PRCP: variants seen among roughly 807,000 people sequenced by gnomAD.
PRCP encodes prolylcarboxypeptidase, also known as lysosomal Pro-X carboxypeptidase.
Under a neutral mutation model 54.2 loss-of-function variants are expected in PRCP, and 46 were observed. The observed-to-expected ratio is 0.85, with a 90% CI of 0.67 to 1.09. The LOEUF is 1.09. Ranked by LOEUF, PRCP falls within the 50% of genes least tolerant of loss-of-function variation. PRCP has a pLI of 0.00. For synonymous variants in PRCP, 240 were observed against 212.2 expected, an observed-to-expected ratio of 1.13 and a Z score of -1.14; for missense variants, 613 against 596.8, an observed-to-expected ratio of 1.03 and a Z score of -0.28.
At chr11:82,883,831 GGTT>G (rs1859806588) in intron 1 of PRCP, among the ~76,000 whole-genome samples, 1 of 152,108 alleles carries the variant, frequency 6.6e-6, no homozygotes, top group African/African-American at 2.4e-5. Context: ...TCTTTTAAAG[GGTT>G]GTTGTTTTTT....
intron 6 of PRCP, 32 bp from the exon 7 acceptor site, chr11:82,839,457 G>A: frequency 1.9e-6 from 3 of 1,566,960 alleles, no homozygotes; most frequent in Non-Finnish European, 2.6e-6. Context: ...TGGGGAAAGA[G>A]TCAGAATATG....
At chr11:82,878,184 T>C (rs1565232569) in intron 1 of PRCP, among the ~76,000 whole-genome samples, 1 of 152,222 alleles carries the variant, frequency 6.6e-6, no homozygotes, top group Non-Finnish European at 1.5e-5. Context: ...GTACCCACAT[T>C]GTATCTAGGA....
chr11:82,824,991 G>A lies in PRCP; in HGVS notation c.1406C>T (p.Ser469Phe), dbSNP rs143836155. The change falls in exon 9 of 9, where the codon TCT becomes TTT. Residue 469 changes from serine to phenylalanine, a missense_variant. By Grantham distance (155) the Ser-to-Phe change is radical. Transcript: ENST00000313010. Reference protein sequence around the residue: ...LRTKNALDPMSVLLARSLEVR... With the variant: ...LRTKNALDPMFVLLARSLEVR... ...TTCCAAGGAGCGGGCTAACAGCACA[G>A]ACATAGGATCCAAGGCATTCTTGGT... The A allele has an allele frequency of 2.5e-6, 4 of 1,614,156 alleles. No individual in the cohort carries two copies. The highest frequency in any genetic ancestry group is 3.4e-6 in the Non-Finnish European group (4 of 1,180,002).
chr11:82,842,565 A>G (rs1026829746), intron 6 of PRCP, among the ~76,000 whole-genome samples: 1 of 152,190 alleles, frequency 6.6e-6, no homozygotes, highest in Non-Finnish European at 1.5e-5. Flanking sequence ...CATCATTACA[A>G]ATAAGGCTAC....
chr11:82,873,158 G>A (rs1859520407), intron 1 of PRCP, among the ~76,000 whole-genome samples: 1 of 151,806 alleles, frequency 6.6e-6, no homozygotes, highest in Non-Finnish European at 1.5e-5. Context: ...AACAAGCCAG[G>A]CTTCAAGCCA....
At chr11:82,837,589 G>T (rs893832509) in intron 8 of PRCP, among the ~76,000 whole-genome samples, 2 of 152,180 alleles carry the variant, frequency 1.3e-5, no homozygotes, top group Admixed American at 6.5e-5. Flanking sequence ...AAATAGCTCT[G>T]GTTAACAGGT....
intron 1 of PRCP, among the ~76,000 whole-genome samples, chr11:82,878,325 A>G (rs187873494): frequency 6.6e-6 from 1 of 152,282 alleles, no homozygotes; most frequent in African/African-American, 2.4e-5. Context: ...ATTGCTAGGA[A>G]GGCATGATTG....
intron 8 of PRCP, among the ~76,000 whole-genome samples, chr11:82,833,496 G>T (rs1858442612): frequency 6.6e-6 from 1 of 152,172 alleles, no homozygotes; most frequent in African/African-American, 2.4e-5. Flanking sequence ...CTGTTGGTGG[G>T]AGTGTAAATT....
chr11:82,827,786 C>A (rs1185139559), intron 8 of PRCP: 2 of 151,998 alleles, frequency 1.3e-5, no homozygotes, highest in East Asian at 3.8e-4. Context: ...TTGTCAATTT[C>A]TATTTTTTTA....
At chr11:82,873,912 T>G (rs1859536146) in intron 1 of PRCP, among the ~76,000 whole-genome samples, 1 of 152,214 alleles carries the variant, frequency 6.6e-6, no homozygotes, top group South Asian at 2.1e-4. Flanking sequence ...AAGTAATGTC[T>G]AAGTTTTTTC....
chr11:82,862,743 G>A (rs1051815257), intron 1 of PRCP, among the ~76,000 whole-genome samples: 3 of 152,156 alleles, frequency 2.0e-5, no homozygotes, highest in African/African-American at 4.8e-5. Context: ...AGGAAAATAA[G>A]CAGTTTTTAT....
chr11:82,825,189 G>T, intron 8 of PRCP, 67 bp from the exon 9 acceptor site: 2 of 1,399,898 alleles, frequency 1.4e-6, no homozygotes, highest in Non-Finnish European at 2.0e-6. Flanking sequence ...AGATAAGCTA[G>T]AAGAAACCTA....
intron 3 of PRCP, among the ~76,000 whole-genome samples, chr11:82,852,348 C>T (rs1443050087): frequency 6.6e-6 from 1 of 152,060 alleles, no homozygotes; most frequent in African/African-American, 2.4e-5. Context: ...AAATAGGCAG[C>T]CTAGTAAAGG....
intron 8 of PRCP, chr11:82,827,717 T>C (rs932111654): frequency 1.3e-5 from 2 of 152,170 alleles, no homozygotes; most frequent in African/African-American, 4.8e-5. Context: ...TTCTTCCTTT[T>C]CAAGATTGTT....
At chr11:82,844,436 T>C (rs1041188218) in intron 6 of PRCP, among the ~76,000 whole-genome samples, 7 of 142,134 alleles carry the variant, frequency 4.9e-5, no homozygotes, top group African/African-American at 1.8e-4. Context: ...AAAAAATAAA[T>C]AAAAGAAAGA....
At position 82,849,258 on chromosome 11, in the gene PRCP, G is replaced by C. The variant is rs372375722; in HGVS notation, c.752-40C>G. 3 of 1,599,086 alleles carry C rather than the reference G, an allele frequency of 1.9e-6. No individual in the cohort carries two copies. In the South Asian group the frequency reaches 3.3e-5, roughly 18 times the overall value. On this transcript the variant is annotated intron_variant, in intron 5 of 8. Coordinates refer to ENST00000313010, the MANE Select transcript of PRCP (RefSeq NM_005040.4). The stretch of plus-strand genomic sequence containing the variant: ...ACACTGTTGGAATCTAAAAAGTACT[G>C]GTCAACAGATGTCTTTACAGATCAT...
chr11:82,847,661 C>T (rs1858839486), intron 6 of PRCP, among the ~76,000 whole-genome samples: 1 of 152,086 alleles, frequency 6.6e-6, no homozygotes, highest in Non-Finnish European at 1.5e-5. Flanking sequence ...GGCTGGAGTA[C>T]AGTGGCATGA....
intron 1 of PRCP, among the ~76,000 whole-genome samples, chr11:82,885,628 T>A (rs982172326): frequency 1.3e-5 from 2 of 152,230 alleles, no homozygotes; most frequent in Non-Finnish European, 2.9e-5. Flanking sequence ...TACTTAGGTA[T>A]AGTTCATCAG....
chr11:82,831,615 C>T (rs1203296976), intron 8 of PRCP, among the ~76,000 whole-genome samples: 1 of 152,234 alleles, frequency 6.6e-6, no homozygotes, highest in African/African-American at 2.4e-5. Flanking sequence ...AAAGATTAAA[C>T]TTCCCAACCG....
Sources: gnomAD v4.1 joint callset for allele counts (sites outside exome capture counted in the v4.1 genomes callset) on GRCh38, gnomAD v4.1.1 for gene constraint, MANE v1.5 for transcripts, NCBI Gene and HGNC (gene_info 2026-07-23, HGNC 2026-07-21) for gene names.